The following TUSC3 variants were observed in gnomAD, a reference collection of about 807,000 sequenced individuals.
TUSC3 encodes the protein tumor suppressor candidate 3.
TUSC3 carries 45 observed loss-of-function variants against 44.8 expected under a neutral mutation model. The ratio of observed to expected loss-of-function variants is 1.00; its 90% CI spans 0.79 to 1.29. The LOEUF (loss-of-function observed/expected upper bound fraction) is 1.29, where lower values mean the gene tolerates loss of function less well. Ranked by LOEUF, TUSC3 falls within the 50% of genes most tolerant of loss-of-function variation. TUSC3 has a pLI of 0.00. For synonymous variants in TUSC3, 212 were observed against 152.9 expected (o/e 1.39, Z -2.85); for missense variants, 519 against 437.9 (o/e 1.19, Z -1.65).
chr8:15,568,984 G>T (rs1043383568), intron 1 of TUSC3, among the ~76,000 whole-genome samples: 3 of 151,800 alleles, frequency 2.0e-5, no homozygotes, highest in African/African-American at 7.3e-5. Flanking sequence ...TAACTATTTT[G>T]TTTAGTAAAT....
At chr8:15,562,040 A>G (rs541704575) in intron 1 of TUSC3, among the ~76,000 whole-genome samples, 62 of 152,236 alleles carry the variant, frequency 4.1e-4, no homozygotes, top group Middle Eastern at 3.4e-3. Context: ...TCAAAAATCA[A>G]TTTTTAAGTA....
rs186432705 is a variant in TUSC3, at chr8:15,753,817, C to T, written c.1029-3974C>T. 3.4e-3 allele frequency among the ~76,000 whole-genome samples: 515 copies of T among 151,888 alleles called. 3 individuals are homozygous for T. Among genetic ancestry groups the T allele is most frequent in the African/African-American group, 0.012 (492 of 41,448 alleles). On this transcript the variant is annotated intron_variant, in intron 9 of 10. Coordinates refer to ENST00000503731, the MANE Select transcript of TUSC3 (RefSeq NM_006765.4). The stretch of plus-strand genomic sequence containing the variant: ...GCCAAATTACAAAAACCTGACAGTA[C>T]AGGGAAAGCAAATATATATCTATTC...
the TUSC3 span, among the ~76,000 whole-genome samples, chr8:15,790,619 G>A: frequency 6.6e-6 from 1 of 152,088 alleles, no homozygotes; most frequent in Non-Finnish European, 1.5e-5. Flanking sequence ...GTTTGACCCA[G>A]GAAGTAAGCC....
chr8:15,733,327 A>G, intron 7 of TUSC3: 1 of 378,664 alleles, frequency 2.6e-6, no homozygotes, highest in Non-Finnish European at 5.1e-6. Flanking sequence ...TAACTCATTT[A>G]TTTAAATATT....
chr8:15,578,653 C>G (rs1430357620), intron 1 of TUSC3, among the ~76,000 whole-genome samples: 2 of 151,660 alleles, frequency 1.3e-5, no homozygotes, highest in African/African-American at 4.9e-5. Flanking sequence ...CCTTGTGTCC[C>G]AGGGATGAAG....
rs1810677902 is a variant in TUSC3, at chr8:15,730,559, A to G, written c.799-107A>G. 4.7e-6 allele frequency: 5 copies of G among 1,059,822 alleles called. No homozygotes were observed. In the Admixed American group the frequency reaches 6.3e-5, roughly 13 times the overall value. 65.7% of individuals were successfully genotyped at this position (1,059,822 alleles called of 1,614,324 possible). A position where few individuals can be genotyped will look rare whatever the true frequency, so the allele number is the denominator to read the frequency against. Reference sequence around the variant, plus strand: ...ACTTAGTAGAAAGTAATAAAAAATTAGTAAAAATCGAATTAGATTTTTCCA... The same window carrying G: ...ACTTAGTAGAAAGTAATAAAAAATTGGTAAAAATCGAATTAGATTTTTCCA... On this transcript the variant is annotated intron_variant, in intron 6 of 10. Transcript: ENST00000503731.
the TUSC3 span, among the ~76,000 whole-genome samples, chr8:15,790,691 G>A: frequency 6.6e-6 from 1 of 152,182 alleles, no homozygotes; most frequent in African/African-American, 2.4e-5. Context: ...GCAATGTTTA[G>A]TGATAGTTGA....
chr8:15,528,735 A>C (rs533252542), intron 2 of TUSC3, among the ~76,000 whole-genome samples: 23 of 152,202 alleles, frequency 1.5e-4, no homozygotes, highest in Non-Finnish European at 2.5e-4. Context: ...ATTTTTTTTA[A>C]ATTGCTACAG....
At chr8:15,691,574 C>T (rs904817679) in intron 6 of TUSC3, among the ~76,000 whole-genome samples, 1 of 152,236 alleles carries the variant, frequency 6.6e-6, no homozygotes, top group South Asian at 2.1e-4. Flanking sequence ...GAGAAGGCAT[C>T]TTTATCTTGT....
Position 15,685,820 on chromosome 8 carries a change from G to C in TUSC3, c.798+11984G>C, listed in dbSNP as rs553093084. Among the ~76,000 whole-genome samples the C allele has an allele frequency of 3.4e-4, 51 of 151,324 alleles. No individual in the cohort carries two copies. The East Asian group carries it at 6.8e-3, about 20-fold the overall frequency. ...ATTGGGCCTGACAAGCTTAGTAAAA[G>C]ACAGGAGTATTTTGTTGGGTATTCA... On this transcript the variant is annotated intron_variant, in intron 6 of 10. Transcript: ENST00000503731.
chr8:15,748,249 G>A, intron 8 of TUSC3, 126 bp from the exon 9 acceptor site: 1 of 750,434 alleles, frequency 1.3e-6, no homozygotes, highest in Non-Finnish European at 2.4e-6. Context: ...CCTGTTTGTT[G>A]TACCTGTATG....
chr8:15,647,326 C>A (rs1219360145), intron 2 of TUSC3, among the ~76,000 whole-genome samples: 1 of 152,116 alleles, frequency 6.6e-6, no homozygotes, highest in Non-Finnish European at 1.5e-5. Context: ...TTTCTAATCA[C>A]CAGTTCATCA....
At chr8:15,472,084 T>C (rs1418245043) in intron 1 of TUSC3, among the ~76,000 whole-genome samples, 1 of 152,206 alleles carries the variant, frequency 6.6e-6, no homozygotes, top group Non-Finnish European at 1.5e-5. Flanking sequence ...ACATAAATAA[T>C]CCTTAGCTTT....
intron 1 of TUSC3, among the ~76,000 whole-genome samples, chr8:15,610,006 T>C (rs1804693439): frequency 1.3e-5 from 2 of 152,170 alleles, no homozygotes; most frequent in Admixed American, 6.6e-5. Context: ...TTATGCTCTT[T>C]ATTTCCTAGC....
At position 15,667,810 on chromosome 8, in the gene TUSC3, C is replaced by T. The variant is rs555984677; in HGVS notation, c.708+5514C>T. On this transcript the variant is annotated intron_variant, in intron 5 of 10. Transcript: ENST00000503731. Reference sequence around the variant, plus strand: ...GTGAAATGTTTTCCCCAAACCAAATCGCTTATGAAAGTTCGTTGTATAGAA... The same window carrying T: ...GTGAAATGTTTTCCCCAAACCAAATTGCTTATGAAAGTTCGTTGTATAGAA... 1.1e-4 allele frequency among the ~76,000 whole-genome samples: 16 copies of T among 151,760 alleles called. 1 individual carries two copies. The South Asian group carries it at 2.5e-3, about 24-fold the overall frequency.
At chr8:15,457,795 C>T (rs1018937493) in intron 1 of TUSC3, among the ~76,000 whole-genome samples, 19 of 136,808 alleles carry the variant, frequency 1.4e-4, no homozygotes, top group African/African-American at 4.9e-4. Flanking sequence ...ATTATCTAAT[C>T]TAAAATAAAA....
chr8:15,738,827 C>CTTTCTTTTT (rs1811047839), intron 7 of TUSC3, among the ~76,000 whole-genome samples: 1 of 87,172 alleles, frequency 1.1e-5, no homozygotes, highest in Non-Finnish European at 2.1e-5. Flanking sequence ...ATATATCTTG[C>CTTTCTTTTT]TTTTTTTTTT....
rs71211076 is a variant in TUSC3 at position 15,700,849 on chromosome 8, C to CTTTTTTTTTTTTTTTTTTTTTTT, written c.798+27031_798+27032insTTTTTTTTTTTTTTTTTTTTTTT. 1.4e-3 allele frequency among the ~76,000 whole-genome samples: 123 copies of CTTTTTTTTTTTTTTTTTTTTTTT among 90,534 alleles called. 9 individuals carry two copies. Among genetic ancestry groups the CTTTTTTTTTTTTTTTTTTTTTTT allele is most frequent in the East Asian group, 2.7e-3 (7 of 2,556 alleles). The allele number at this position is 90,534 out of a possible 152,430, so 59.4% of individuals were successfully genotyped here. A position where few individuals can be genotyped will look rare whatever the true frequency, so the allele number is the denominator to read the frequency against. On this transcript the variant is annotated intron_variant, in intron 6 of 10. Coordinates refer to ENST00000503731, the MANE Select transcript of TUSC3 (RefSeq NM_006765.4). ...CTTTCACTAGAGGGAATGGCTGGAGCTTTTTTTTTTTTTTTTTTGCTTTGC... is the reference window on the plus strand; with the variant it reads ...CTTTCACTAGAGGGAATGGCTGGAGCTTTTTTTTTTTTTTTTTTTTTTTTTTTTTTTTTTTTTTTTTGCTTTGC...
chr8:15,715,856 T>C (rs972210768), intron 6 of TUSC3, among the ~76,000 whole-genome samples: 3 of 152,120 alleles, frequency 2.0e-5, no homozygotes, highest in Non-Finnish European at 4.4e-5. Flanking sequence ...AAATAATATT[T>C]CCATGAAAAC....
Sources: gnomAD v4.1 joint callset for allele counts (sites outside exome capture counted in the v4.1 genomes callset) on GRCh38, gnomAD v4.1.1 for gene constraint, MANE v1.5 for transcripts, NCBI Gene and HGNC (gene_info 2026-07-23, HGNC 2026-07-21) for gene names.